PDZRN3: variants seen among roughly 807,000 people sequenced by gnomAD.
PDZRN3 encodes the protein E3 ubiquitin-protein ligase PDZRN3.
A neutral mutation model predicts 85.7 loss-of-function variants in PDZRN3; 38 were observed. The ratio of observed to expected loss-of-function variants is 0.44; its 90% CI spans 0.34 to 0.58. The LOEUF is 0.58. PDZRN3 is among the 20% of genes least tolerant of loss of function. The pLI, the probability that PDZRN3 is intolerant of heterozygous loss-of-function variation, is 0.01. For missense variants in PDZRN3, 1,629 were observed against 1,506.4 expected, an observed-to-expected ratio of 1.08 and a Z score of -1.35; for synonymous variants, 759 against 638.0, an observed-to-expected ratio of 1.19 and a Z score of -2.86.
At chr3:73,452,985 A>T (rs934456523) in intron 3 of PDZRN3, among the ~76,000 whole-genome samples, 4 of 152,124 alleles carry the variant, frequency 2.6e-5, no homozygotes, top group Admixed American at 2.6e-4. Flanking sequence ...GTGATAAATG[A>T]CATAGGAAAT....
intron 3 of PDZRN3, chr3:73,434,062 T>C (rs1702485770): frequency 1.9e-6 from 1 of 520,972 alleles, no homozygotes. Flanking sequence ...TCTCATTGAC[T>C]ATTCATAACA....
chr3:73,550,981 G>C (rs1026148617), intron 3 of PDZRN3, among the ~76,000 whole-genome samples: 2 of 152,164 alleles, frequency 1.3e-5, no homozygotes, highest in Non-Finnish European at 2.9e-5. Context: ...AGCTAAAACT[G>C]AACAGTGCAG....
rs571140852 is a variant in PDZRN3 at position 73,595,630 on chromosome 3, C to T, written c.918+6724G>A. ...AAACCAAAAATTAAAACACTTTAAACAATTTTCACCAATAATTTTTTAATT... is the reference window on the plus strand; with the variant it reads ...AAACCAAAAATTAAAACACTTTAAATAATTTTCACCAATAATTTTTTAATT... On this transcript the variant is annotated intron_variant, in intron 3 of 9. Coordinates refer to ENST00000263666, the MANE Select transcript of PDZRN3 (RefSeq NM_015009.3). Among the ~76,000 whole-genome samples, 9 of 152,170 alleles carry T rather than the reference C, an allele frequency of 5.9e-5. No individual in the cohort carries two copies. In the South Asian group the frequency reaches 1.9e-3, roughly 32 times the overall value.
Position 73,541,496 on chromosome 3 carries a change from T to C in PDZRN3, c.918+60858A>G, listed in dbSNP as rs183820046. On this transcript the variant is annotated intron_variant, in intron 3 of 9. Coordinates refer to ENST00000263666, the MANE Select transcript of PDZRN3 (RefSeq NM_015009.3). ...TGATGTAGAGAGAGGTTAAGTAACC[T>C]TAGTTATGTGGTCCAACAGCCAGTA... Among the ~76,000 whole-genome samples the C allele has an allele frequency of 1.3e-3, 192 of 152,330 alleles. 1 individual carries two copies. Among genetic ancestry groups the C allele is most frequent in the African/African-American group, 4.5e-3 (187 of 41,574 alleles).
In PDZRN3 at chr3:73,437,045, CAAAA is replaced by C. The variant is rs57755670; in HGVS notation, c.919-32654_919-32651del. The stretch of plus-strand genomic sequence containing the variant: ...CTGGCGACAGAGAAAGACTCTGTCT[CAAAA>C]AAAAAAAAAAAAAAAATTACTGAGA... On this transcript the variant is annotated intron_variant, in intron 3 of 9. Coordinates refer to ENST00000263666, the MANE Select transcript of PDZRN3 (RefSeq NM_015009.3). Among the ~76,000 whole-genome samples, 324 of 72,682 alleles carry C rather than the reference CAAAA, an allele frequency of 4.5e-3. 3 individuals are homozygous for C. The highest frequency in any genetic ancestry group is 0.011 in the African/African-American group (308 of 27,662). 47.7% of individuals were successfully genotyped at this position (72,682 alleles called of 152,430 possible). A position where few individuals can be genotyped will look rare whatever the true frequency, so the allele number is the denominator to read the frequency against.
chr3:73,480,108 A>AAT, intron 3 of PDZRN3, among the ~76,000 whole-genome samples: 1 of 152,160 alleles, frequency 6.6e-6, no homozygotes, highest in East Asian at 1.9e-4. Flanking sequence ...TAACTCTACT[A>AAT]ATACTCCCCC....
At chr3:73,600,243 T>C (rs1289347778) in intron 3 of PDZRN3, among the ~76,000 whole-genome samples, 1 of 134,752 alleles carries the variant, frequency 7.4e-6, no homozygotes, top group Non-Finnish European at 1.6e-5. Flanking sequence ...GGTTTGCCCA[T>C]TCCCCTGAAA....
Position 73,389,862 on chromosome 3 carries a change from A to G in PDZRN3, c.1370T>C (p.Ile457Thr), listed in dbSNP as rs1291073646. The G allele has an allele frequency of 1.1e-5, 17 of 1,613,834 alleles. No homozygotes were observed. The Admixed American group carries it at 1.5e-4, about 14-fold the overall frequency. ...IYISEIDPNS[I>T]AAKDGRIREG... is the part of the protein sequence containing the mutation. ...TCGGATGCGCCCATCCTTGGCTGCA[A>G]TGCTGTTAGGGTCAATCTGAAACAC... The change falls in exon 7 of 10, where the codon ATT becomes ACT. Residue 457 changes from isoleucine to threonine, a missense_variant. Transcript: ENST00000263666.
chr3:73,508,143 C>G (rs933637396), intron 3 of PDZRN3, among the ~76,000 whole-genome samples: 9 of 152,114 alleles, frequency 5.9e-5, no homozygotes, highest in African/African-American at 2.2e-4. Context: ...TCACAATAGG[C>G]TTGGCTATCG....
intron 3 of PDZRN3, among the ~76,000 whole-genome samples, chr3:73,557,111 C>T (rs1701714589): frequency 6.6e-6 from 1 of 152,128 alleles, no homozygotes; most frequent in Admixed American, 6.5e-5. Context: ...AGATCCTGCA[C>T]AGAACTTGGT....
chr3:73,520,544 G>C (rs527502113), intron 3 of PDZRN3, among the ~76,000 whole-genome samples: 63 of 152,232 alleles, frequency 4.1e-4, no homozygotes, highest in African/African-American at 1.5e-3. Flanking sequence ...TAAAGTAAAA[G>C]ACTCTTTGAA....
At chr3:73,574,774 T>C (rs1341944319) in intron 3 of PDZRN3, among the ~76,000 whole-genome samples, 2 of 152,336 alleles carry the variant, frequency 1.3e-5, no homozygotes, top group Admixed American at 6.5e-5. Flanking sequence ...CAGAAACCAG[T>C]ATCGACTAAA....
At chr3:73,600,095 C>T (rs1702489974) in intron 3 of PDZRN3, among the ~76,000 whole-genome samples, 1 of 152,118 alleles carries the variant, frequency 6.6e-6, no homozygotes, top group African/African-American at 2.4e-5. Context: ...TGGGTAAGAG[C>T]CGCTGCTCTG....
chr3:73,619,811 TA>T lies in PDZRN3; in HGVS notation c.723+4291del, dbSNP rs1378141026. Among the ~76,000 whole-genome samples the T allele has an allele frequency of 2.0e-5, 3 of 152,114 alleles. No homozygotes were observed. The East Asian group carries it at 5.8e-4, about 29-fold the overall frequency. On this transcript the variant is annotated intron_variant, in intron 1 of 9. Coordinates refer to ENST00000263666, the MANE Select transcript of PDZRN3 (RefSeq NM_015009.3). ...GCATAGGAGGCTTGAGGGAGAGTGA[TA>T]AAAGATACACATTTATAAGAGATTA...
At chr3:73,420,540 T>C (rs1464120637) in intron 3 of PDZRN3, among the ~76,000 whole-genome samples, 1 of 152,240 alleles carries the variant, frequency 6.6e-6, no homozygotes, top group Non-Finnish European at 1.5e-5. Context: ...TACATACTTC[T>C]GTTGAAACCC....
In PDZRN3 at chr3:73,383,553, CCTT is replaced by C; in HGVS notation, c.3010_3012del (p.Lys1004del). On this transcript the variant is annotated inframe_deletion, in exon 10 of 10. Transcript: ENST00000263666. ...TTCCTGTCATCGGCTGCTTGCTGCTCCTTGAGACAATCCAACCTGCTCTGCATC... is the reference window on the plus strand; with the variant it reads ...TTCCTGTCATCGGCTGCTTGCTGCTCGAGACAATCCAACCTGCTCTGCATC... 1 of 1,614,192 alleles carries C rather than the reference CCTT, an allele frequency of 6.2e-7. No individual in the cohort carries two copies. Among genetic ancestry groups the C allele is most frequent in the East Asian group, 2.2e-5 (1 of 44,866 alleles).
intron 3 of PDZRN3, among the ~76,000 whole-genome samples, chr3:73,560,678 C>T (rs1701797797): frequency 6.6e-6 from 1 of 152,122 alleles, no homozygotes; most frequent in South Asian, 2.1e-4. Context: ...TGGAAATGTT[C>T]GGCAGATGGA....
intron 3 of PDZRN3, among the ~76,000 whole-genome samples, chr3:73,476,776 G>A (rs567156728): frequency 4.6e-5 from 7 of 152,316 alleles, no homozygotes; most frequent in African/African-American, 1.7e-4. Flanking sequence ...CCAATAGCCA[G>A]TGAAGACCTG....
At chr3:73,541,503 T>A (rs1704921229) in intron 3 of PDZRN3, among the ~76,000 whole-genome samples, 1 of 152,194 alleles carries the variant, frequency 6.6e-6, no homozygotes. Flanking sequence ...ACCTTAGTTA[T>A]GTGGTCCAAC....
Sources: gnomAD v4.1 joint callset for allele counts (sites outside exome capture counted in the v4.1 genomes callset) on GRCh38, gnomAD v4.1.1 for gene constraint, MANE v1.5 for transcripts, NCBI Gene and HGNC (gene_info 2026-07-23, HGNC 2026-07-21) for gene names.